The following EPM2A variants were observed in gnomAD, a reference collection of about 807,000 sequenced individuals.
The protein encoded by EPM2A is laforin.
Under a neutral mutation model 26.5 loss-of-function variants are expected in EPM2A, and 21 were observed. The observed-to-expected ratio is 0.79, with a 90% CI of 0.56 to 1.14. EPM2A has a LOEUF of 1.14. Ranked by LOEUF, EPM2A falls within the 50% of genes most tolerant of loss-of-function variation. The pLI, the probability that EPM2A is intolerant of heterozygous loss-of-function variation, is 0.00. For missense variants in EPM2A, 458 were observed against 440.8 expected (o/e 1.04, Z -0.35); for synonymous variants, 217 against 177.6 (o/e 1.22, Z -1.76).
chr6:145,385,773 A>G (rs1778252100), intron 4 of EPM2A, among the ~76,000 whole-genome samples: 1 of 152,130 alleles, frequency 6.6e-6, no homozygotes, highest in Admixed American at 6.5e-5. Flanking sequence ...CCATTTATTT[A>G]ATTACCCATT....
At chr6:145,514,304 A>G (rs1466402761) in intron 2 of EPM2A, among the ~76,000 whole-genome samples, 1 of 152,180 alleles carries the variant, frequency 6.6e-6, no homozygotes, top group Non-Finnish European at 1.5e-5. Context: ...GTCAGATACC[A>G]GCAAACCTCA....
intron 1 of EPM2A, among the ~76,000 whole-genome samples, chr6:145,732,382 C>T (rs1245130869): frequency 7.0e-6 from 1 of 143,794 alleles, no homozygotes; most frequent in Non-Finnish European, 1.5e-5. Flanking sequence ...TTATATAAAA[C>T]TGATACATAT....
At chr6:145,573,865 C>A (rs1296129166) in intron 2 of EPM2A, among the ~76,000 whole-genome samples, 1 of 152,162 alleles carries the variant, frequency 6.6e-6, no homozygotes, top group Non-Finnish European at 1.5e-5. Flanking sequence ...ATTACCTGAG[C>A]TCCATAAGCC....
At chr6:145,502,353 G>A (rs2114752342) in intron 3 of EPM2A, among the ~76,000 whole-genome samples, 1 of 152,370 alleles carries the variant, frequency 6.6e-6, no homozygotes, top group South Asian at 2.1e-4. Flanking sequence ...GCCAAACTCA[G>A]CCTGCCTTAT....
At chr6:145,475,451 T>C (rs1343104199) in intron 4 of EPM2A, among the ~76,000 whole-genome samples, 2 of 151,956 alleles carry the variant, frequency 1.3e-5, no homozygotes, top group African/African-American at 4.8e-5. Context: ...CATCACACAC[T>C]GGGGCCTGTT....
chr6:145,413,949 C>G (rs1582736466), intron 4 of EPM2A, among the ~76,000 whole-genome samples: 1 of 152,174 alleles, frequency 6.6e-6, no homozygotes, highest in East Asian at 1.9e-4. Context: ...CTCTCCTTCT[C>G]TAGATTGTCT....
At chr6:145,709,710 T>C (rs1252557457) in intron 1 of EPM2A, among the ~76,000 whole-genome samples, 1 of 152,162 alleles carries the variant, frequency 6.6e-6, no homozygotes, top group Non-Finnish European at 1.5e-5. Context: ...ATAATTCTAG[T>C]AGCTTGTAGA....
chr6:145,683,268 GGTGTGTGTGTGT>G (rs35326843), intron 2 of EPM2A, among the ~76,000 whole-genome samples: 4 of 134,006 alleles, frequency 3.0e-5, no homozygotes, highest in African/African-American at 8.2e-5. Context: ...CCCAGGATTT[GGTGTGTGTGTGT>G]GTGTGTGTGT....
intron 2 of EPM2A, among the ~76,000 whole-genome samples, chr6:145,555,646 TACAC>T (rs1216526456): frequency 6.6e-6 from 1 of 152,140 alleles, no homozygotes; most frequent in African/African-American, 2.4e-5. Flanking sequence ...TCTCTCAACA[TACAC>T]ACACACGCAT....
At chr6:145,505,324 C>A (rs1779956141) in intron 2 of EPM2A, among the ~76,000 whole-genome samples, 1 of 151,976 alleles carries the variant, frequency 6.6e-6, no homozygotes, top group South Asian at 2.1e-4. Context: ...TTCTGTATAT[C>A]TATCTAGATC....
intron 2 of EPM2A, among the ~76,000 whole-genome samples, chr6:145,667,630 G>C (rs1779308573): frequency 1.3e-5 from 2 of 150,788 alleles, no homozygotes; most frequent in Non-Finnish European, 2.9e-5. Context: ...TCTAGAACTA[G>C]AAATACCATT....
intron 4 of EPM2A, among the ~76,000 whole-genome samples, chr6:145,385,921 C>T (rs1015834778): frequency 6.6e-6 from 1 of 151,892 alleles, no homozygotes; most frequent in Non-Finnish European, 1.5e-5. Context: ...AGCCTGAAAT[C>T]AAGAATTTAA....
At chr6:145,651,117 A>G (rs1453412917) in intron 2 of EPM2A, among the ~76,000 whole-genome samples, 1 of 152,190 alleles carries the variant, frequency 6.6e-6, no homozygotes, top group Non-Finnish European at 1.5e-5. Context: ...GACAAAAATG[A>G]ACTGTTTGAA....
chr6:145,598,247 CT>C (rs1327851475), intron 2 of EPM2A, among the ~76,000 whole-genome samples: 3 of 151,974 alleles, frequency 2.0e-5, no homozygotes, highest in African/African-American at 4.8e-5. Flanking sequence ...TATTTTTTGA[CT>C]TTTTTTTAAT....
At chr6:145,688,200 G>C (rs1328063463) in intron 1 of EPM2A, among the ~76,000 whole-genome samples, 1 of 152,030 alleles carries the variant, frequency 6.6e-6, no homozygotes. Context: ...ATACCTCTCT[G>C]GCTACAGAGT....
At chr6:145,419,378 T>A (rs538341434) in intron 4 of EPM2A, among the ~76,000 whole-genome samples, 26 of 152,224 alleles carry the variant, frequency 1.7e-4, no homozygotes, top group Admixed American at 3.3e-4. Flanking sequence ...TTTTCAAAAA[T>A]ACAACTATAT....
chr6:145,497,526 GGAT>G (rs1562358687), downstream of EPM2A, among the ~76,000 whole-genome samples: 12 of 151,976 alleles, frequency 7.9e-5, no homozygotes, highest in Non-Finnish European at 1.6e-4. Flanking sequence ...ATGGGATCAG[GGAT>G]CCACTTAAGG....
In EPM2A at chr6:145,695,084, A is replaced by C. The variant is rs892643578; in HGVS notation, c.302-8788T>G. 3.3e-5 allele frequency among the ~76,000 whole-genome samples: 5 copies of C among 152,038 alleles called. No individual in the cohort carries two copies. In the South Asian group the frequency reaches 1.0e-3, roughly 31 times the overall value. ...GAGAGTTAAAAGACAAAACTATTAA[A>C]AACAACTGTGGCTTTGATAAATTGT... On this transcript the variant is annotated intron_variant, in intron 1 of 3. Coordinates refer to ENST00000367519, the MANE Select transcript of EPM2A (RefSeq NM_005670.4).
intron 2 of EPM2A, among the ~76,000 whole-genome samples, chr6:145,526,357 T>G (rs923020916): frequency 2.0e-5 from 3 of 152,090 alleles, no homozygotes; most frequent in African/African-American, 7.2e-5. Context: ...TTCAGCAGAA[T>G]TGATACCAGC....
Sources: gnomAD v4.1 joint callset for allele counts (sites outside exome capture counted in the v4.1 genomes callset) on GRCh38, gnomAD v4.1.1 for gene constraint, MANE v1.5 for transcripts, NCBI Gene and HGNC (gene_info 2026-07-23, HGNC 2026-07-21) for gene names.